Variants in SIK2 observed in about 807,000 individuals in gnomAD.
SIK2 encodes salt inducible kinase 2, also known as serine/threonine-protein kinase SIK2.
SIK2 carries 29 observed loss-of-function variants against 103.2 expected under a neutral mutation model. The observed-to-expected ratio is 0.28, with a 90% confidence interval of 0.21 to 0.38. The LOEUF (loss-of-function observed/expected upper bound fraction) is 0.38. SIK2 is among the 10% of genes least tolerant of loss of function. The pLI, the probability that SIK2 is intolerant of heterozygous loss-of-function variation, is 1.00. For missense variants in SIK2, 879 were observed against 1,171.0 expected (o/e 0.75, Z 3.64); for synonymous variants, 412 against 446.1 (o/e 0.92, Z 0.96).
rs1326370065 is a variant in SIK2, at chr11:111,723,606, T to G, written c.2258T>G (p.Leu753Arg). The part of the protein sequence containing the change: ...SYPQPSQQLP[L>R]PRQETPPPSQ... ...CCACAGCCAAGTCAGCAGCTGCCCC[T>G]TCCCCGCCAGGAGACTCCACCGCCT... Residue 753 changes from leucine to arginine, a missense_variant, in exon 15 of 15, where the codon CTT (leucine) becomes CGT (arginine). Transcript: ENST00000304987. The G allele has an allele frequency of 6.2e-7, 1 of 1,613,754 alleles. No individual in the cohort carries two copies. The highest frequency in any genetic ancestry group is 8.5e-7 in the Non-Finnish European group (1 of 1,179,946).
chr11:111,708,721 C>T (rs1399911296), intron 8 of SIK2, among the ~76,000 whole-genome samples: 2 of 151,990 alleles, frequency 1.3e-5, no homozygotes, highest in Non-Finnish European at 2.9e-5. Flanking sequence ...GTAGCTGGGA[C>T]CACAAGTGCA....
Position 111,723,612 on chromosome 11 carries a change from G to T in SIK2, c.2264G>T (p.Arg755Leu). The change falls in exon 15 of 15, where the codon CGC becomes CTC. Residue 755 changes from arginine to leucine, a missense_variant. Arg to Leu is a moderately radical substitution (Grantham distance 102). This residue lies in a region of SIK2 where 375 missense variants were observed against 416.3 expected (regional missense o/e 0.90). Transcript: ENST00000304987. ...PQPSQQLPLP[R>L]QETPPPSQQA... ...CCAAGTCAGCAGCTGCCCCTTCCCC[G>T]CCAGGAGACTCCACCGCCTTCTCAG... 1 of 1,613,648 alleles carries T rather than the reference G, an allele frequency of 6.2e-7. No individual in the cohort carries two copies. The highest frequency in any genetic ancestry group is 8.5e-7 in the Non-Finnish European group (1 of 1,179,922).
At chr11:111,628,500 G>A (rs772630748) in intron 3 of SIK2, among the ~76,000 whole-genome samples, 6 of 129,070 alleles carry the variant, frequency 4.6e-5, no homozygotes, top group South Asian at 2.8e-4. Context: ...GTGCAGTGGC[G>A]CAATCACAGT....
rs1276512151 is a variant in SIK2, at chr11:111,672,327, C to T, written c.317-15674C>T. ...AGCTGATGCAGGCACCAGGCCTGCT[C>T]GTGGAGGAGCAGCTGCTGAAGGCCA... On this transcript the variant is annotated intron_variant, in intron 3 of 14. Transcript: ENST00000304987. The T allele has an allele frequency of 3.8e-5, 16 of 423,608 alleles. No homozygotes were observed. The Admixed American group carries it at 5.3e-4, about 14-fold the overall frequency. The allele number at this position is 423,608 out of a possible 1,614,324, so 26.2% of individuals were successfully genotyped here.
intron 1 of SIK2, among the ~76,000 whole-genome samples, chr11:111,614,120 C>T (rs1443511865): frequency 1.4e-5 from 2 of 144,622 alleles, no homozygotes; most frequent in South Asian, 2.2e-4. Flanking sequence ...CTCGCTCTGT[C>T]GCCCAGACTG....
chr11:111,728,679 AAC>A lies in SIK2; in HGVS notation c.*4553_*4554del, dbSNP rs1380379125. 1 of 152,244 alleles carries A rather than the reference AAC, an allele frequency of 6.6e-6. No individual in the cohort carries two copies. The highest frequency in any genetic ancestry group is 1.5e-5 in the Non-Finnish European group (1 of 68,118). 9.4% of individuals were successfully genotyped at this position (152,244 alleles called of 1,614,324 possible). A position where few individuals can be genotyped will look rare whatever the true frequency, so the allele number is the denominator to read the frequency against. ...CGCGGTGGCTCACGCCTGTAATCCC[AAC>A]ACTTTGGGAGGCCAAGGCAGGCGGA... On this transcript the variant is annotated 3_prime_UTR_variant, in exon 15 of 15. Transcript: ENST00000304987.
chr11:111,661,352 A>G (rs1238933868), intron 3 of SIK2, among the ~76,000 whole-genome samples: 1 of 152,152 alleles, frequency 6.6e-6, no homozygotes, highest in Non-Finnish European at 1.5e-5. Context: ...GAAGAGGGAA[A>G]AGAAAAGGAA....
chr11:111,678,481 GA>G (rs1362475248), intron 3 of SIK2, among the ~76,000 whole-genome samples: 1 of 152,066 alleles, frequency 6.6e-6, no homozygotes, highest in Non-Finnish European at 1.5e-5. Flanking sequence ...AGATTGACCT[GA>G]AAAAAAGTCA....
intron 3 of SIK2, among the ~76,000 whole-genome samples, chr11:111,676,661 T>C (rs933630829): frequency 2.0e-5 from 3 of 152,274 alleles, no homozygotes; most frequent in Middle Eastern, 3.4e-3. Flanking sequence ...TCTCAAATAT[T>C]TGCTAAAAAT....
intron 3 of SIK2, among the ~76,000 whole-genome samples, chr11:111,673,685 G>T (rs952553035): frequency 1.3e-5 from 2 of 152,154 alleles, no homozygotes; most frequent in African/African-American, 4.8e-5. Context: ...AAATTATAGG[G>T]TAAGAGATTA....
chr11:111,674,797 AAT>A (rs1942680958), intron 3 of SIK2, among the ~76,000 whole-genome samples: 1 of 151,720 alleles, frequency 6.6e-6, no homozygotes, highest in Admixed American at 6.6e-5. Flanking sequence ...CCCAGGCTGG[AAT>A]GCAGTGGTGC....
intron 2 of SIK2, among the ~76,000 whole-genome samples, chr11:111,618,282 G>T (rs940971653): frequency 1.3e-5 from 2 of 152,156 alleles, no homozygotes; most frequent in African/African-American, 4.8e-5. Flanking sequence ...AAATACAGAT[G>T]AAGCTTCACT....
chr11:111,730,465 T>C lies in SIK2; in HGVS notation c.*6336T>C, dbSNP rs1944150202. On this transcript the variant is annotated 3_prime_UTR_variant, in exon 15 of 15. Coordinates refer to ENST00000304987, the MANE Select transcript of SIK2 (RefSeq NM_015191.3). ...GAAATAAAAGGGATACAGAGATATC[T>C]GCACTTTGTAGAAAGGGCAAGATTA... 1.3e-5 allele frequency: 2 copies of C among 152,260 alleles called. No individual in the cohort carries two copies. The highest frequency in any genetic ancestry group is 2.9e-5 in the Non-Finnish European group (2 of 68,052). The allele number at this position is 152,260 out of a possible 1,614,324, so 9.4% of individuals were successfully genotyped here. A position where few individuals can be genotyped will look rare whatever the true frequency, so the allele number is the denominator to read the frequency against.
At position 111,726,648 on chromosome 11, in the gene SIK2, G is replaced by A; in HGVS notation, c.*2519G>A. On this transcript the variant is annotated 3_prime_UTR_variant, in exon 15 of 15. Transcript: ENST00000304987. ...TGCTCAGCCCTGTCTGATCACCTGT[G>A]CTGCTCTGTCCCTAACTAGTGACCC... 2.8e-6 allele frequency: 1 copy of A among 356,352 alleles called. No individual in the cohort carries two copies. 22.1% of individuals were successfully genotyped at this position (356,352 alleles called of 1,614,324 possible). A position where few individuals can be genotyped will look rare whatever the true frequency, so the allele number is the denominator to read the frequency against.
In SIK2 at chr11:111,722,625, A is replaced by T. The variant is rs773491082; in HGVS notation, c.2056-40A>T. On this transcript the variant is annotated intron_variant, in intron 13 of 14. Coordinates refer to ENST00000304987, the MANE Select transcript of SIK2 (RefSeq NM_015191.3). This position sits in a 1 kb window ranked among gnomAD's most constrained non-coding sequence, Gnocchi z 4.4. ...ATCTGATGACTGCATCCTAGGTGAC[A>T]GCACATTGTCACGCTCATGTTGTTT... The T allele has an allele frequency of 6.3e-7, 1 of 1,586,210 alleles. No homozygotes were observed.
chr11:111,686,293 T>C (rs958866018), intron 3 of SIK2, among the ~76,000 whole-genome samples: 1 of 152,094 alleles, frequency 6.6e-6, no homozygotes, highest in Non-Finnish European at 1.5e-5. Flanking sequence ...ATACAAAATT[T>C]AGCCAGGCGT....
In SIK2 at chr11:111,730,412, T is replaced by G. The variant is rs1338529115; in HGVS notation, c.*6283T>G. On this transcript the variant is annotated 3_prime_UTR_variant, in exon 15 of 15. Coordinates refer to ENST00000304987, the MANE Select transcript of SIK2 (RefSeq NM_015191.3). ...AGGGGAAAGAAGTGGAGAGAAAGGT[T>G]TGCTTCACTTCGGGGACTGCAGTTT... 3.3e-5 allele frequency: 5 copies of G among 152,158 alleles called. No homozygotes were observed. Among genetic ancestry groups the G allele is most frequent in the Non-Finnish European group, 5.9e-5 (4 of 68,020 alleles). The allele number at this position is 152,158 out of a possible 1,614,324, so 9.4% of individuals were successfully genotyped here.
chr11:111,709,336 G>A (rs1943435500), intron 8 of SIK2, among the ~76,000 whole-genome samples: 1 of 152,200 alleles, frequency 6.6e-6, no homozygotes, highest in Non-Finnish European at 1.5e-5. Flanking sequence ...TCAAGGCCCT[G>A]TCTCCAGATA....
rs138105704 is a variant in SIK2, at chr11:111,603,716, CT to C, written c.135+1019del. Among the ~76,000 whole-genome samples, 978 of 152,182 alleles carry C rather than the reference CT, an allele frequency of 6.4e-3. 9 individuals are homozygous for C. The highest frequency in any genetic ancestry group is 0.022 in the African/African-American group (913 of 41,518). ...ACAAAACCATTCTTTAGAATAAAACCTAGTGGTTTTGACGTACTCTACTCTG... is the reference window on the plus strand; with the variant it reads ...ACAAAACCATTCTTTAGAATAAAACCAGTGGTTTTGACGTACTCTACTCTG... On this transcript the variant is annotated intron_variant, in intron 1 of 14. Coordinates refer to ENST00000304987, the MANE Select transcript of SIK2 (RefSeq NM_015191.3).
Sources: allele counts gnomAD v4.1 joint callset (sites outside exome capture counted in the v4.1 genomes callset), GRCh38; gene constraint gnomAD v4.1.1; regional missense constraint gnomAD v4.1.1; non-coding constraint Gnocchi (gnomAD v3.1); transcripts MANE v1.5; gene names NCBI Gene and HGNC (gene_info 2026-07-23, HGNC 2026-07-21).